The following ARHGAP12 variants were observed in gnomAD, a reference collection of about 807,000 sequenced individuals.
ARHGAP12 encodes the protein Rho GTPase activating protein 12, also known as rho GTPase-activating protein 12.
A neutral mutation model predicts 108.6 loss-of-function variants in ARHGAP12; 64 were observed. The observed-to-expected ratio is 0.59, with a 90% CI of 0.48 to 0.73. The LOEUF (loss-of-function observed/expected upper bound fraction) is 0.73. Among genes scored for constraint, ARHGAP12 ranks in the 30% least tolerant of loss-of-function variants. The pLI is 0.00. For missense variants in ARHGAP12, 940 were observed against 1,005.9 expected, an observed-to-expected ratio of 0.93 and a Z score of 0.89; for synonymous variants, 312 against 337.2, an observed-to-expected ratio of 0.93 and a Z score of 0.82.
intron 19 of ARHGAP12, 200 bp downstream of exon 19, chr10:31,808,449 C>T: frequency 2.1e-6 from 1 of 471,506 alleles, no homozygotes; most frequent in South Asian, 2.7e-5. Context: ...CATATAATAC[C>T]TACTTTACTG....
chr10:31,844,257 T>G (rs1165696054), intron 6 of ARHGAP12, among the ~76,000 whole-genome samples: 1 of 152,222 alleles, frequency 6.6e-6, no homozygotes, highest in East Asian at 1.9e-4. Context: ...TATAGTAGGC[T>G]TCTGAGTCTT....
chr10:31,835,988 T>C (rs926038254), intron 9 of ARHGAP12, among the ~76,000 whole-genome samples: 4 of 152,198 alleles, frequency 2.6e-5, no homozygotes, highest in Non-Finnish European at 4.4e-5. Flanking sequence ...AAATGGTTAC[T>C]GGTTAATTTT....
chr10:31,808,910 AG>A, intron 18 of ARHGAP12, 83 bp downstream of exon 18: 2 of 1,417,574 alleles, frequency 1.4e-6, no homozygotes, highest in South Asian at 2.7e-5. Context: ...ACTTGCTTAA[AG>A]TAAGATAAAA....
intron 1 of ARHGAP12, among the ~76,000 whole-genome samples, chr10:31,915,070 G>A (rs1430601432): frequency 1.3e-5 from 2 of 152,186 alleles, no homozygotes; most frequent in African/African-American, 4.8e-5. Context: ...TCACTCACAT[G>A]TGGAATCTAA....
chr10:31,857,287 G>A (rs1836923730), intron 4 of ARHGAP12, among the ~76,000 whole-genome samples: 1 of 152,040 alleles, frequency 6.6e-6, no homozygotes, highest in Non-Finnish European at 1.5e-5. Flanking sequence ...ACTTTTCAAA[G>A]TAGTGATATC....
In ARHGAP12 at chr10:31,814,330, T is replaced by A. The variant is rs771230529; in HGVS notation, c.1763A>T (p.Glu588Val). 6.2e-7 allele frequency: 1 copy of A among 1,614,042 alleles called. No homozygotes were observed. The highest frequency in any genetic ancestry group is 8.5e-7 in the Non-Finnish European group (1 of 1,179,930). ...AVETDEGIEE[E>V]IPDSPGIEKH... ...TTCTATTCCTGGTGAATCCGGTATC[T>A]CCTCTTCAATTCCTTCATCAGTTTC... Residue 588 changes from glutamate (E) to valine (V), a missense_variant, in exon 14 of 20, where the codon GAG becomes GTG. Transcript: ENST00000344936.
chr10:31,920,255 A>T (rs1839738066), intron 1 of ARHGAP12, among the ~76,000 whole-genome samples: 1 of 151,944 alleles, frequency 6.6e-6, no homozygotes, highest in Non-Finnish European at 1.5e-5. Flanking sequence ...GTTCCAGACC[A>T]GCCTGACCAA....
intron 6 of ARHGAP12, among the ~76,000 whole-genome samples, chr10:31,849,665 C>G (rs1435742225): frequency 3.3e-5 from 5 of 152,152 alleles, no homozygotes; most frequent in African/African-American, 1.2e-4. Flanking sequence ...TAATTCAAAC[C>G]TCTTCTCCAT....
rs142907299 is a variant in ARHGAP12 at position 31,896,624 on chromosome 10, A to G, written c.684+11548T>C. 1.8e-4 allele frequency among the ~76,000 whole-genome samples: 27 copies of G among 152,164 alleles called. No homozygotes were observed. The East Asian group carries it at 4.2e-3, about 24-fold the overall frequency. On this transcript the variant is annotated intron_variant, in intron 3 of 19. Transcript: ENST00000344936. ...GAACATCAATGTGATTATGAGGGGG[A>G]AAAAAAGGGCTTCAGCAAAGTATAT...
At position 31,852,546 on chromosome 10, in the gene ARHGAP12, C is replaced by T. The variant is rs1324430051; in HGVS notation, c.1141G>A (p.Gly381Arg). Residue 381 changes from glycine to arginine, a missense_variant, in exon 6 of 20, where the codon GGA (glycine) becomes AGA (arginine). Gly to Arg is a moderately radical substitution (Grantham distance 125). Transcript: ENST00000344936. ...GGCAATTCCCATTCTGACCGAGATC[C>T]GTCTGCACTGTAGTAATATTGTCTA... The part of the protein sequence containing the change: ...QGRQYYYSAD[G>R]SRSEWELPKY... 3.1e-6 allele frequency: 5 copies of T among 1,613,042 alleles called. No individual in the cohort carries two copies. The highest frequency in any genetic ancestry group is 1.1e-5 in the South Asian group (1 of 91,044).
Position 31,821,001 on chromosome 10 carries a change from T to C in ARHGAP12, c.1531-513A>G, listed in dbSNP as rs1018411488. 5.9e-5 allele frequency among the ~76,000 whole-genome samples: 9 copies of C among 152,176 alleles called. 1 individual carries two copies. Among genetic ancestry groups the C allele is most frequent in the Admixed American group, 4.6e-4 (7 of 15,270 alleles). ...TATGTACACAAAGGCAATACTCTTATATATGTAATAAACAGTATCAGGTAG... is the reference window on the plus strand; with the variant it reads ...TATGTACACAAAGGCAATACTCTTACATATGTAATAAACAGTATCAGGTAG... On this transcript the variant is annotated intron_variant, in intron 11 of 19. Coordinates refer to ENST00000344936, the MANE Select transcript of ARHGAP12 (RefSeq NM_018287.7).
intron 3 of ARHGAP12, among the ~76,000 whole-genome samples, chr10:31,897,398 A>C (rs1276974063): frequency 6.6e-6 from 1 of 151,896 alleles, no homozygotes; most frequent in Admixed American, 6.6e-5. Flanking sequence ...CTAACAGAAC[A>C]CTATCCCCTT....
chr10:31,810,771 A>T (rs1219509019), intron 15 of ARHGAP12, 24 bp from the exon 16 acceptor site: 2 of 1,553,724 alleles, frequency 1.3e-6, no homozygotes, highest in East Asian at 4.5e-5. Flanking sequence ...ATTTTTAAAA[A>T]GTCAATCACC....
At chr10:31,905,486 G>A (rs1839096585) in intron 3 of ARHGAP12, among the ~76,000 whole-genome samples, 1 of 152,144 alleles carries the variant, frequency 6.6e-6, no homozygotes. Context: ...ACACTGGAGA[G>A]GTTATCATGT....
At chr10:31,882,169 C>G (rs543194327) in intron 3 of ARHGAP12, among the ~76,000 whole-genome samples, 9 of 152,180 alleles carry the variant, frequency 5.9e-5, no homozygotes, top group African/African-American at 2.2e-4. Flanking sequence ...CCGCCTCGGC[C>G]TCCCAAAGTG....
At chr10:31,896,833 TA>T (rs1838719748) in intron 3 of ARHGAP12, among the ~76,000 whole-genome samples, 2 of 152,094 alleles carry the variant, frequency 1.3e-5, no homozygotes, top group Non-Finnish European at 2.9e-5. Context: ...AAACTGAAAA[TA>T]ATTTATTTCT....
chr10:31,898,375 T>A (rs1385870223), intron 3 of ARHGAP12, among the ~76,000 whole-genome samples: 1 of 152,122 alleles, frequency 6.6e-6, no homozygotes, highest in African/African-American at 2.4e-5. Context: ...CACTTCCTAC[T>A]CACTAGAATA....
intron 3 of ARHGAP12, among the ~76,000 whole-genome samples, chr10:31,882,520 A>G (rs1266567630): frequency 6.6e-6 from 1 of 152,202 alleles, no homozygotes. Context: ...GAGCTCTTTA[A>G]GAGTAGAAAC....
intron 3 of ARHGAP12, among the ~76,000 whole-genome samples, chr10:31,873,661 A>C (rs958271382): frequency 6.6e-6 from 1 of 152,216 alleles, no homozygotes; most frequent in Non-Finnish European, 1.5e-5. Context: ...AATAAACCAA[A>C]GACCCCTTTC....
Sources: allele counts gnomAD v4.1 joint callset (sites outside exome capture counted in the v4.1 genomes callset), GRCh38; gene constraint gnomAD v4.1.1; transcripts MANE v1.5; gene names NCBI Gene and HGNC (gene_info 2026-07-23, HGNC 2026-07-21).